The following AIFM2 variants were observed in gnomAD, a reference collection of about 807,000 sequenced individuals.
AIFM2 encodes ferroptosis suppressor protein 1.
AIFM2 carries 38 observed loss-of-function variants against 35.7 expected under a neutral mutation model. The observed-to-expected ratio is 1.06, with a 90% confidence interval of 0.82 to 1.39. The LOEUF is 1.39. Among genes scored for constraint, AIFM2 ranks in the 40% most tolerant of loss-of-function variants. The pLI, the probability that AIFM2 is intolerant of heterozygous loss-of-function variation, is 0.00. For synonymous variants in AIFM2, 185 were observed against 203.5 expected (o/e 0.91, Z 0.77); for missense variants, 476 against 491.2 (o/e 0.97, Z 0.29).
At chr10:70,123,867 A>AC (rs2072537021) in intron 2 of AIFM2, 40 bp downstream of exon 2, 4 of 1,489,398 alleles carry the variant, frequency 2.7e-6, no homozygotes, top group Non-Finnish European at 3.6e-6. Flanking sequence ...CAGAGACAAG[A>AC]CCCCCCTCAC....
intron 1 of AIFM2, among the ~76,000 whole-genome samples, chr10:70,125,850 C>T (rs1014052610): frequency 6.6e-6 from 1 of 152,298 alleles, no homozygotes; most frequent in East Asian, 1.9e-4. Context: ...TCTGAAGGCT[C>T]CTGTGTATAC....
intron 7 of AIFM2, among the ~76,000 whole-genome samples, chr10:70,116,317 G>A (rs1048393498): frequency 2.0e-5 from 3 of 152,246 alleles, no homozygotes; most frequent in African/African-American, 7.2e-5. Context: ...CTGTCCTCAG[G>A]TGAGGGGGAA....
chr10:70,116,875 G>A (rs1044940201), intron 6 of AIFM2, 101 bp from the exon 7 acceptor site: 2 of 1,429,206 alleles, frequency 1.4e-6, no homozygotes, highest in Non-Finnish European at 9.6e-7. Context: ...GGACCTCTGG[G>A]GCCCAACTGG....
chr10:70,124,933 G>A (rs1046695941), intron 1 of AIFM2, among the ~76,000 whole-genome samples: 2 of 152,178 alleles, frequency 1.3e-5, no homozygotes, highest in African/African-American at 4.8e-5. Context: ...AGTGTTAAGA[G>A]GTGGGGCCTA....
intron 7 of AIFM2, among the ~76,000 whole-genome samples, chr10:70,115,629 A>G (rs1212256553): frequency 6.6e-6 from 1 of 152,116 alleles, no homozygotes; most frequent in Non-Finnish European, 1.5e-5. Context: ...AGCCGGGCTT[A>G]GTGGCATACA....
rs1185571833 is a variant in AIFM2, at chr10:70,115,005, G to A, written c.885C>T (p.Ala295=). The change falls in exon 8 of 9, where the codon GCC becomes GCT. Residue 295 remains alanine, a synonymous_variant. Transcript: ENST00000307864. ...TGTTGGCGTGGAGGCCGGCAAGATA[G>A]GCCATCTTGGGCGTCCTCACGTCGG... ...DCADVRTPKM[A]YLAGLHANIA... is the part of the protein sequence containing the mutation. The A allele has an allele frequency of 6.2e-7, 1 of 1,614,206 alleles. No homozygotes were observed. Among genetic ancestry groups the A allele is most frequent in the Non-Finnish European group, 8.5e-7 (1 of 1,180,030 alleles).
intron 4 of AIFM2, 111 bp downstream of exon 4, chr10:70,120,981 A>T: frequency 6.7e-7 from 1 of 1,492,884 alleles, no homozygotes; most frequent in Non-Finnish European, 8.9e-7. Context: ...CTCTATGGCT[A>T]CAGCCAGCAG....
At position 70,114,169 on chromosome 10, in the gene AIFM2, G is replaced by C. The variant is rs754853382; in HGVS notation, c.*9C>G. On this transcript the variant is annotated 3_prime_UTR_variant, in exon 9 of 9. Transcript: ENST00000307864. ...CCTGCTGCGGTAGTTCTCCCGCCTG[G>C]CCTCTCCATCAAGGTGGAGACTGCC... is the stretch of plus-strand genomic sequence containing the variant. 1.9e-6 allele frequency: 3 copies of C among 1,609,226 alleles called. No homozygotes were observed. The highest frequency in any genetic ancestry group is 2.5e-6 in the Non-Finnish European group (3 of 1,177,668).
chr10:70,116,602 C>A lies in AIFM2; in HGVS notation c.769+20G>T. ...GAGAGCAAGGAGGCACAGGGGAAGC[C>A]CGGCTGGGCACCTGCTCACCAAACG... On this transcript the variant is annotated intron_variant, in intron 7 of 8. Coordinates refer to ENST00000307864, the MANE Select transcript of AIFM2 (RefSeq NM_032797.6). 6.2e-7 allele frequency: 1 copy of A among 1,612,380 alleles called. No individual in the cohort carries two copies. Among genetic ancestry groups the A allele is most frequent in the Non-Finnish European group, 8.5e-7 (1 of 1,179,700 alleles).
Position 70,115,043 on chromosome 10 carries a change from T to A in AIFM2, c.847A>T (p.Ile283Phe), listed in dbSNP as rs1345276443. Residue 283 changes from isoleucine to phenylalanine, a missense_variant, in exon 8 of 9, where the codon ATT (isoleucine) becomes TTT (phenylalanine). Transcript: ENST00000307864. The stretch of plus-strand genomic sequence containing the variant: ...GTCCTCACGTCGGCACAGTCACCAA[T>A]GGCGTAGACGTTGCTGTGGCCCTCC... ...QVEGHSNVYA[I>F]GDCADVRTPK... 2 of 1,614,210 alleles carry A rather than the reference T, an allele frequency of 1.2e-6. No individual in the cohort carries two copies. Among genetic ancestry groups the A allele is most frequent in the East Asian group, 2.2e-5 (1 of 44,876 alleles).
chr10:70,120,977 G>A, intron 4 of AIFM2, 115 bp downstream of exon 4: 2 of 1,486,450 alleles, frequency 1.3e-6, no homozygotes, highest in Non-Finnish European at 1.8e-6. Context: ...CCAACTCTAT[G>A]GCTACAGCCA....
At chr10:70,124,143 G>A (rs1423661674) in intron 1 of AIFM2, 46 bp from the exon 2 acceptor site, 1 of 1,347,290 alleles carries the variant, frequency 7.4e-7, no homozygotes, top group Non-Finnish European at 9.6e-7. Context: ...GGGAGGCTGG[G>A]AGGGCTGGGA....
chr10:70,114,753 T>C, intron 8 of AIFM2, 167 bp downstream of exon 8: 2 of 856,966 alleles, frequency 2.3e-6, no homozygotes, highest in Non-Finnish European at 3.5e-6. Flanking sequence ...GGGTTACAGG[T>C]GTGAGCCACC....
intron 3 of AIFM2, among the ~76,000 whole-genome samples, 198 bp from the exon 4 acceptor site, chr10:70,121,409 A>C (rs1444376761): frequency 6.6e-6 from 1 of 152,098 alleles, no homozygotes; most frequent in Non-Finnish European, 1.5e-5. Context: ...AAAGGATGGC[A>C]CTAGAACCTG....
intron 7 of AIFM2, 135 bp from the exon 8 acceptor site, chr10:70,115,255 C>A (rs1004825783): frequency 1.4e-5 from 12 of 836,156 alleles, no homozygotes; most frequent in East Asian, 1.3e-4. Context: ...ATGACCACCC[C>A]CTGGAGGTGC....
At chr10:70,116,339 C>CA (rs780242360) in intron 7 of AIFM2, among the ~76,000 whole-genome samples, 5 of 152,216 alleles carry the variant, frequency 3.3e-5, no homozygotes, top group Non-Finnish European at 7.3e-5. Flanking sequence ...GAAACACCAC[C>CA]AACCTTTGTC....
chr10:70,129,799 T>A (rs965791583), intron 1 of AIFM2, among the ~76,000 whole-genome samples: 1 of 152,140 alleles, frequency 6.6e-6, no homozygotes, highest in Admixed American at 6.6e-5. Context: ...CAAAATAGAA[T>A]TCACATATAC....
intron 2 of AIFM2, 90 bp from the exon 3 acceptor site, chr10:70,123,610 C>T: frequency 8.3e-7 from 1 of 1,201,950 alleles, no homozygotes; most frequent in South Asian, 1.3e-5. Context: ...GAGCTGCAAA[C>T]CAACAGGGGT....
At position 70,117,359 on chromosome 10, in the gene AIFM2, G is replaced by A. The variant is rs148409528; in HGVS notation, c.616+453C>T. ...CGCTGGAAGAGAACCTCACTTTCCA[G>A]CATTTGCTGGGTGGGTCTCGTCCCC... On this transcript the variant is annotated intron_variant, in intron 6 of 8. Transcript: ENST00000307864. The surrounding 1 kb of genome is among the most constrained non-coding windows in gnomAD (Gnocchi z 4.7). Among the ~76,000 whole-genome samples, 1 of 152,310 alleles carries A rather than the reference G, an allele frequency of 6.6e-6. No homozygotes were observed. The highest frequency in any genetic ancestry group is 1.9e-4 in the East Asian group (1 of 5,174).
Sources: gnomAD v4.1 joint callset for allele counts (sites outside exome capture counted in the v4.1 genomes callset) on GRCh38, gnomAD v4.1.1 for gene constraint, Gnocchi (gnomAD v3.1) non-coding constraint, MANE v1.5 for transcripts, NCBI Gene and HGNC (gene_info 2026-07-23, HGNC 2026-07-21) for gene names.